Variants in AP5B1 observed in about 807,000 individuals in gnomAD.
AP5B1 encodes AP-5 complex subunit beta-1.
In AP5B1, 3 loss-of-function variants were observed where a neutral mutation model predicts 5.7. The observed-to-expected ratio is 0.53, with a 90% CI of 0.24 to 1.36. The LOEUF is 1.36. Ranked by LOEUF, AP5B1 falls within the 40% of genes most tolerant of loss-of-function variation. AP5B1 has a pLI of 0.17. For synonymous variants in AP5B1, 696 were observed against 555.5 expected (o/e 1.25, Z -3.56); for missense variants, 1,310 against 1,143.2 (o/e 1.15, Z -2.10).
rs998022847 is a variant in AP5B1, at chr11:65,780,484, C to G, written c.108G>C (p.Leu36=). Residue 36 remains leucine (L), a synonymous_variant, in exon 1 of 2, where the codon CTG becomes CTC. Transcript: ENST00000532090. ...GCTTCTCACTTCTCAGGTCGCTCAG[C>G]AGGTCGCGACCCAAATCCTCCCCCT... ...GPEGEDLGRD[L]LSDLRSEKLS... 10 of 1,519,336 alleles carry G rather than the reference C, an allele frequency of 6.6e-6. No individual in the cohort carries two copies. The Middle Eastern group carries it at 6.7e-4, about 102-fold the overall frequency. The allele number at this position is 1,519,336 out of a possible 1,614,324, so 94.1% of individuals were successfully genotyped here.
Position 65,778,769 on chromosome 11 carries a change from C to T in AP5B1, c.1724G>A (p.Gly575Asp). Residue 575 changes from glycine to aspartate, a missense_variant, in exon 2 of 2, where the codon GGC becomes GAC. Gly to Asp is a moderately conservative substitution (Grantham distance 94, BLOSUM62 -1). Transcript: ENST00000532090. ...CAGCGCCCGGCAGACCCGCAGCAGG[C>T]CCTGCTGTAGGTCCCAGTTCGTGCA... ...AHCTNWDLQQ[G>D]LLRVCRALLR... 1 of 1,609,882 alleles carries T rather than the reference C, an allele frequency of 6.2e-7. No individual in the cohort carries two copies. The highest frequency in any genetic ancestry group is 8.5e-7 in the Non-Finnish European group (1 of 1,178,726).
rs1857835273 is a variant in AP5B1 at position 65,780,347 on chromosome 11, A to T, written c.151-5T>A. On this transcript the variant is annotated splice_region_variant and splice_polypyrimidine_tract_variant and intron_variant, in intron 1 of 1. Transcript: ENST00000532090. ...GCTCAGGGCCAGCAGGGAAACCTGG[A>T]TGGGGGATTAGGAGGGAATCACGAA... is the stretch of plus-strand genomic sequence containing the variant. 2.7e-6 allele frequency: 4 copies of T among 1,465,638 alleles called. No individual in the cohort carries two copies. In the African/African-American group the frequency reaches 4.4e-5, roughly 16 times the overall value. The allele number at this position is 1,465,638 out of a possible 1,614,324, so 90.8% of individuals were successfully genotyped here. A position where few individuals can be genotyped will look rare whatever the true frequency, so the allele number is the denominator to read the frequency against.
Position 65,779,034 on chromosome 11 carries a change from T to C in AP5B1, c.1459A>G (p.Ile487Val). The change falls in exon 2 of 2, where the codon ATC becomes GTC. Residue 487 changes from isoleucine (I) to valine (V), a missense_variant. Physicochemically the swap from Ile to Val is conservative, Grantham distance 29. Coordinates refer to ENST00000532090, the MANE Select transcript of AP5B1 (RefSeq NM_138368.5). ...TGGTACAGCTGGGCCAGTCCGTGGA[T>C]CAAGGGGGTCAGCACCGTAGGTTGC... is the stretch of plus-strand genomic sequence containing the variant. ...AGQPTVLTPL[I>V]HGLAQLYQAR... 6.2e-7 allele frequency: 1 copy of C among 1,607,024 alleles called. No individual in the cohort carries two copies. The highest frequency in any genetic ancestry group is 8.5e-7 in the Non-Finnish European group (1 of 1,176,762).
rs1184569807 is a variant in AP5B1, at chr11:65,779,906, G to A, written c.587C>T (p.Thr196Ile). 6.3e-7 allele frequency: 1 copy of A among 1,593,540 alleles called. No homozygotes were observed. Among genetic ancestry groups the A allele is most frequent in the Non-Finnish European group, 8.5e-7 (1 of 1,169,892 alleles). The part of the protein sequence containing the change: ...SLLLALALRN[T>I]LVLQSRVGAG... ...CCCAACCCGGGACTGGAGCACCAAG[G>A]TGTTGCGCAAAGCGAGGGCCAGCAA... Residue 196 changes from threonine (T) to isoleucine (I), a missense_variant, in exon 2 of 2, where the codon ACC becomes ATC. Thr to Ile is a moderately conservative substitution (Grantham distance 89). Transcript: ENST00000532090.
In AP5B1 at chr11:65,778,585, G is replaced by A. The variant is rs770173182; in HGVS notation, c.1908C>T (p.Ala636=). The A allele has an allele frequency of 3.0e-5, 47 of 1,590,610 alleles. No homozygotes were observed. Among genetic ancestry groups the A allele is most frequent in the Admixed American group, 5.3e-5 (3 of 56,588 alleles). Residue 636 remains alanine (A), a synonymous_variant, in exon 2 of 2, where the codon GCC becomes GCT. Coordinates refer to ENST00000532090, the MANE Select transcript of AP5B1 (RefSeq NM_138368.5). The part of the protein sequence containing the change: ...KLGVALGPSL[A]APALASSLVA... ...CCAGTGAAGAGGCCAGTGCAGGTGCGGCAAGCGAGGGGCCCAGGGCCACCC... is the reference window on the plus strand; with the variant it reads ...CCAGTGAAGAGGCCAGTGCAGGTGCAGCAAGCGAGGGGCCCAGGGCCACCC...
In AP5B1 at chr11:65,778,774, C is replaced by T; in HGVS notation, c.1719G>A (p.Gln573=). The T allele has an allele frequency of 6.2e-7, 1 of 1,610,484 alleles. No individual in the cohort carries two copies. Among genetic ancestry groups the T allele is most frequent in the East Asian group, 2.2e-5 (1 of 44,842 alleles). Residue 573 remains glutamine, a synonymous_variant, in exon 2 of 2, where the codon CAG becomes CAA. Coordinates refer to ENST00000532090, the MANE Select transcript of AP5B1 (RefSeq NM_138368.5). ...AAAHCTNWDL[Q]QGLLRVCRAL... Reference sequence around the variant, plus strand: ...CCCGGCAGACCCGCAGCAGGCCCTGCTGTAGGTCCCAGTTCGTGCAGTGGG... The same window carrying T: ...CCCGGCAGACCCGCAGCAGGCCCTGTTGTAGGTCCCAGTTCGTGCAGTGGG...
chr11:65,778,221 G>T lies in AP5B1; in HGVS notation c.2272C>A (p.Pro758Thr). 6.2e-7 allele frequency: 1 copy of T among 1,613,410 alleles called. No individual in the cohort carries two copies. The highest frequency in any genetic ancestry group is 8.5e-7 in the Non-Finnish European group (1 of 1,179,896). The change falls in exon 2 of 2, where the codon CCC becomes ACC. Residue 758 changes from proline to threonine, a missense_variant. Physicochemically the swap from Pro to Thr is conservative, Grantham distance 38. Transcript: ENST00000532090. ...TGLTCHAHLP[P>T]LFVNFADLFL... ...AGGTCGGCAAAGTTCACGAACAGGG[G>T]TGGCAAGTGGGCATGGCACGTGAGA...
chr11:65,774,508 T>C lies in AP5B1; in HGVS notation c.*3348A>G, dbSNP rs1007903005. Among the ~76,000 whole-genome samples the C allele has an allele frequency of 6.6e-6, 1 of 151,876 alleles. No individual in the cohort carries two copies. Among genetic ancestry groups the C allele is most frequent in the Non-Finnish European group, 1.5e-5 (1 of 67,972 alleles). On this transcript the variant is annotated 3_prime_UTR_variant, in exon 2 of 2. Coordinates refer to ENST00000532090, the MANE Select transcript of AP5B1 (RefSeq NM_138368.5). Reference sequence around the variant, plus strand: ...TTCACTGCAACCTCCACCTCCCGGGTTCAAGCGATTCTCCTGCCTCAGCCT... The same window carrying C: ...TTCACTGCAACCTCCACCTCCCGGGCTCAAGCGATTCTCCTGCCTCAGCCT...
chr11:65,780,867 G>A lies in AP5B1; in HGVS notation c.-276C>T, dbSNP rs184516947. On this transcript the variant is annotated 5_prime_UTR_variant, in exon 1 of 2. Transcript: ENST00000532090. The stretch of plus-strand genomic sequence containing the variant: ...GCCGCCTCCCTCCCGCCCGCGGCCC[G>A]CACCGAAACCACAGCGCCACCCCGG... 2,617 of 270,592 alleles carry A rather than the reference G, an allele frequency of 9.7e-3. 70 individuals carry two copies. The highest frequency in any genetic ancestry group is 0.054 in the African/African-American group (2,412 of 44,776). The allele number at this position is 270,592 out of a possible 1,614,324, so 16.8% of individuals were successfully genotyped here. A position where few individuals can be genotyped will look rare whatever the true frequency, so the allele number is the denominator to read the frequency against.
rs1857781464 is a variant in AP5B1, at chr11:65,777,695, A to T, written c.*161T>A. 2 of 799,630 alleles carry T rather than the reference A, an allele frequency of 2.5e-6. No homozygotes were observed. The highest frequency in any genetic ancestry group is 1.7e-5 in the African/African-American group (1 of 57,660). 49.5% of individuals were successfully genotyped at this position (799,630 alleles called of 1,614,324 possible). On this transcript the variant is annotated 3_prime_UTR_variant, in exon 2 of 2. Transcript: ENST00000532090. ...TTGCTAGAGCAGCAAAAACAGACTC[A>T]GACAGACCCTCACCCCCAGGAGCCT...
Position 65,778,267 on chromosome 11 carries a change from G to C in AP5B1, c.2226C>G (p.Ala742=), listed in dbSNP as rs778968376. 5 of 1,613,292 alleles carry C rather than the reference G, an allele frequency of 3.1e-6. No homozygotes were observed. Among genetic ancestry groups the C allele is most frequent in the Non-Finnish European group, 4.2e-6 (5 of 1,179,894 alleles). Residue 742 remains alanine, a synonymous_variant, in exon 2 of 2, where the codon GCC becomes GCG. Coordinates refer to ENST00000532090, the MANE Select transcript of AP5B1 (RefSeq NM_138368.5). ...CPAPARLDVH[A]LYTTSTGLTC... is the part of the protein sequence containing the mutation. Reference sequence around the variant, plus strand: ...TGAGACCAGTGGATGTGGTGTAAAGGGCATGGACATCCAGCCGTGCGGGGG... The same window carrying C: ...TGAGACCAGTGGATGTGGTGTAAAGCGCATGGACATCCAGCCGTGCGGGGG...
In AP5B1 at chr11:65,780,890, CG is replaced by C. The variant is rs1857843857; in HGVS notation, c.-300del. On this transcript the variant is annotated 5_prime_UTR_variant, in exon 1 of 2. Coordinates refer to ENST00000532090, the MANE Select transcript of AP5B1 (RefSeq NM_138368.5). ...CCGCACCGAAACCACAGCGCCACCC[CG>C]GCCCCCGGCGCCGGCGGTAACGGGC... The C allele has an allele frequency of 4.7e-6, 1 of 211,314 alleles. No individual in the cohort carries two copies. Among genetic ancestry groups the C allele is most frequent in the Non-Finnish European group, 9.3e-6 (1 of 107,408 alleles). The allele number at this position is 211,314 out of a possible 1,614,324, so 13.1% of individuals were successfully genotyped here.
In AP5B1 at chr11:65,778,519, C is replaced by T. The variant is rs1242186390; in HGVS notation, c.1974G>A (p.Gln658=). 1 of 1,575,104 alleles carries T rather than the reference C, an allele frequency of 6.3e-7. No individual in the cohort carries two copies. Residue 658 remains glutamine (Q), a synonymous_variant, in exon 2 of 2, where the codon CAG becomes CAA. Transcript: ENST00000532090. ...TCAGCCGTACCAGGGCCGGTGCCTC[C>T]TGCACCATCAGTGCTGCCACAAAGC... ...NQGFVAALMV[Q]EAPALVRLSL... is the part of the protein sequence containing the mutation.
At position 65,779,451 on chromosome 11, in the gene AP5B1, G is replaced by A. The variant is rs1485291738; in HGVS notation, c.1042C>T (p.Leu348Phe). The A allele has an allele frequency of 1.9e-6, 3 of 1,606,272 alleles. No individual in the cohort carries two copies. The highest frequency in any genetic ancestry group is 2.5e-6 in the Non-Finnish European group (3 of 1,176,966). The change falls in exon 2 of 2, where the codon CTC becomes TTC. Residue 348 changes from leucine (L) to phenylalanine (F), a missense_variant. Leu to Phe is a conservative substitution (Grantham distance 22). Coordinates refer to ENST00000532090, the MANE Select transcript of AP5B1 (RefSeq NM_138368.5). ...LFTAQDEALLLRRLTLAAQHP... is the reference protein window; with the variant it reads ...LFTAQDEALLFRRLTLAAQHP... ...TGGGCAGCCAAGGTGAGCCGGCGGAGCAGCAACGCTTCATCCTGGGCTGTG... is the reference window on the plus strand; with the variant it reads ...TGGGCAGCCAAGGTGAGCCGGCGGAACAGCAACGCTTCATCCTGGGCTGTG...
Position 65,777,935 on chromosome 11 carries a change from G to A in AP5B1, c.2558C>T (p.Pro853Leu), listed in dbSNP as rs1857785521. 1 of 1,569,660 alleles carries A rather than the reference G, an allele frequency of 6.4e-7. No homozygotes were observed. The highest frequency in any genetic ancestry group is 1.9e-5 in the Admixed American group (1 of 52,418). ...RLEAALADGV[P>L]VALRTDDWAV... ...CCAGTCATCGGTCCGCAGGGCCACA[G>A]GCACTCCATCTGCCAGGGCCGCCTC... Residue 853 changes from proline to leucine, a missense_variant, in exon 2 of 2, where the codon CCT becomes CTT. By Grantham distance (98) the Pro-to-Leu change is moderately conservative. Transcript: ENST00000532090.
chr11:65,779,971 G>T lies in AP5B1; in HGVS notation c.522C>A (p.Gly174=). The T allele has an allele frequency of 6.3e-7, 1 of 1,582,384 alleles. No individual in the cohort carries two copies. Among genetic ancestry groups the T allele is most frequent in the Non-Finnish European group, 8.6e-7 (1 of 1,164,786 alleles). The change falls in exon 2 of 2, where the codon GGC becomes GGA. Residue 174 remains glycine, a synonymous_variant. Transcript: ENST00000532090. Reference sequence around the variant, plus strand: ...GGACAGGGCCTTCCTGCCCCAGCAGGCCCCGCAGCAACCCCAGGGAGCCCC... The same window carrying T: ...GGACAGGGCCTTCCTGCCCCAGCAGTCCCCGCAGCAACCCCAGGGAGCCCC... ...LLGGSLGLLR[G]LLGQEGPVQP...
In AP5B1 at chr11:65,780,848, T is replaced by G; in HGVS notation, c.-257A>C. 1.3e-4 allele frequency: 32 copies of G among 252,446 alleles called. No individual in the cohort carries two copies. The highest frequency in any genetic ancestry group is 1.2e-4 in the Non-Finnish European group (16 of 135,848). 15.6% of individuals were successfully genotyped at this position (252,446 alleles called of 1,614,324 possible). A position where few individuals can be genotyped will look rare whatever the true frequency, so the allele number is the denominator to read the frequency against. On this transcript the variant is annotated 5_prime_UTR_variant, in exon 1 of 2. Coordinates refer to ENST00000532090, the MANE Select transcript of AP5B1 (RefSeq NM_138368.5). ...CGTGCCGAGAGCTCGTTAGGCCGCC[T>G]CCCTCCCGCCCGCGGCCCGCACCGA...
chr11:65,778,614 A>G lies in AP5B1; in HGVS notation c.1879T>C (p.Leu627=), dbSNP rs372288226. ...ILLAHLAAPK[L]GVALGPSLAA... ...AGCGAGGGGCCCAGGGCCACCCCCA[A>G]CTTGGGTGCTGCCAGGTGTGCCAGC... Residue 627 remains leucine, a synonymous_variant, in exon 2 of 2, where the codon TTG becomes CTG. Coordinates refer to ENST00000532090, the MANE Select transcript of AP5B1 (RefSeq NM_138368.5). The G allele has an allele frequency of 4.5e-5, 72 of 1,595,380 alleles. No individual in the cohort carries two copies. Among genetic ancestry groups the G allele is most frequent in the Non-Finnish European group, 6.0e-5 (70 of 1,172,776 alleles).
rs1485342344 is a variant in AP5B1, at chr11:65,778,974, G to A, written c.1519C>T (p.Leu507Phe). 3 of 1,612,702 alleles carry A rather than the reference G, an allele frequency of 1.9e-6. No homozygotes were observed. The highest frequency in any genetic ancestry group is 1.7e-5 in the Admixed American group (1 of 59,982). ...RPMLAPHFVD[L>F]LDQVDSELRE... ...AGCTCAGAGTCCACCTGATCCAAGA[G>A]GTCCACAAAGTGGGGAGCCAGCATG... is the stretch of plus-strand genomic sequence containing the variant. The change falls in exon 2 of 2, where the codon CTC becomes TTC. Residue 507 changes from leucine (L) to phenylalanine (F), a missense_variant. By Grantham distance (22) the Leu-to-Phe change is conservative (BLOSUM62 0). Coordinates refer to ENST00000532090, the MANE Select transcript of AP5B1 (RefSeq NM_138368.5).
Sources: gnomAD v4.1 joint callset for allele counts (sites outside exome capture counted in the v4.1 genomes callset) on GRCh38, gnomAD v4.1.1 for gene constraint, MANE v1.5 for transcripts, NCBI Gene and HGNC (gene_info 2026-07-23, HGNC 2026-07-21) for gene names.